Variants in ICA1 observed in about 807,000 individuals in gnomAD.
ICA1 encodes the protein 69 kDa islet cell autoantigen.
A neutral mutation model predicts 71.0 loss-of-function variants in ICA1; 40 were observed. That is an observed-to-expected ratio of 0.56 (90% confidence interval 0.44 to 0.73). ICA1 has a LOEUF of 0.73. Among genes scored for constraint, ICA1 ranks in the 30% least tolerant of loss-of-function variants. The pLI is 0.00. For synonymous variants in ICA1, 207 were observed against 209.5 expected, an observed-to-expected ratio of 0.99 and a Z score of 0.10; for missense variants, 578 against 576.5, an observed-to-expected ratio of 1.00 and a Z score of -0.03.
chr7:8,162,508 G>A (rs960338134), intron 6 of ICA1, among the ~76,000 whole-genome samples: 11 of 152,112 alleles, frequency 7.2e-5, no homozygotes, highest in African/African-American at 2.7e-4. Context: ...AAAACACCAA[G>A]GACATAGCCA....
intron 12 of ICA1, among the ~76,000 whole-genome samples, chr7:8,138,420 T>C (rs1049112274): frequency 6.6e-6 from 1 of 152,190 alleles, no homozygotes; most frequent in African/African-American, 2.4e-5. Context: ...GTTCTGACAA[T>C]AACCCACCAA....
intron 6 of ICA1, among the ~76,000 whole-genome samples, chr7:8,203,805 C>G (rs940607289): frequency 6.6e-6 from 1 of 152,134 alleles, no homozygotes; most frequent in Non-Finnish European, 1.5e-5. Flanking sequence ...GGCTTTAAAC[C>G]TGTGGGGCAA....
intron 2 of ICA1, 117 bp downstream of exon 2, chr7:8,235,793 G>T: frequency 9.3e-7 from 1 of 1,070,436 alleles, no homozygotes; most frequent in South Asian, 1.3e-5. Flanking sequence ...ATTGGTGAGG[G>T]CTAACATGAT....
chr7:8,245,038 G>A (rs1398158001), intron 1 of ICA1, among the ~76,000 whole-genome samples: 1 of 152,146 alleles, frequency 6.6e-6, no homozygotes, highest in Non-Finnish European at 1.5e-5. Flanking sequence ...AATACCATTT[G>A]ACCCAGTGAT....
chr7:8,156,929 TAAAAAAAAAAAAAAAAAAA>T (rs67144473), intron 8 of ICA1, 168 bp downstream of exon 8: 223,504 of 1,519,750 alleles, frequency 0.15, 17,356 homozygotes, highest in Non-Finnish European at 0.16. Flanking sequence ...CCTGATGCAG[TAAAAAAAAAAAAAAAAAAA>T]AAAAAAGAAA....
intron 1 of ICA1, among the ~76,000 whole-genome samples, chr7:8,247,994 G>A (rs905606262): frequency 6.6e-6 from 1 of 152,166 alleles, no homozygotes; most frequent in African/African-American, 2.4e-5. Context: ...AAACTCAAAT[G>A]TAGTTAATTT....
In ICA1 at chr7:8,217,401, C is replaced by T. The variant is rs1200533962; in HGVS notation, c.579+904G>A. ...CCACCTCTACACAGCTAACCTCCAA[C>T]GCAAGTGATGGTTCTATTTGTAGCT... On this transcript the variant is annotated intron_variant, in intron 6 of 13. Coordinates refer to ENST00000402384, the MANE Select transcript of ICA1 (RefSeq NM_001136020.3). Among the ~76,000 whole-genome samples the T allele has an allele frequency of 2.6e-5, 4 of 152,170 alleles. No homozygotes were observed. In the South Asian group the frequency reaches 6.2e-4, roughly 24 times the overall value.
chr7:8,236,034 TAC>T (rs1801747193), intron 1 of ICA1, 29 bp from the exon 2 acceptor site: 1 of 1,138,608 alleles, frequency 8.8e-7, no homozygotes, highest in African/African-American at 1.5e-5. Context: ...GTTTAATAGT[TAC>T]ACACCATATT....
At chr7:8,229,665 T>C (rs1159711679) in intron 3 of ICA1, among the ~76,000 whole-genome samples, 1 of 152,238 alleles carries the variant, frequency 6.6e-6, no homozygotes, top group Non-Finnish European at 1.5e-5. Flanking sequence ...ATTATAAATA[T>C]GACTAAATTA....
At chr7:8,168,690 G>A (rs1319075002) in intron 6 of ICA1, among the ~76,000 whole-genome samples, 1 of 152,118 alleles carries the variant, frequency 6.6e-6, no homozygotes, top group Admixed American at 6.5e-5. Context: ...TTTAGCTCAG[G>A]CTTCTCAACG....
chr7:8,189,559 T>TTTCTTC (rs1158313852), intron 6 of ICA1, among the ~76,000 whole-genome samples: 1 of 152,150 alleles, frequency 6.6e-6, no homozygotes, highest in Non-Finnish European at 1.5e-5. Context: ...AGGCAGGTTT[T>TTTCTTC]TTCTTCTTCT....
At chr7:8,185,955 T>C (rs1783779001) in intron 6 of ICA1, among the ~76,000 whole-genome samples, 1 of 152,252 alleles carries the variant, frequency 6.6e-6, no homozygotes, top group African/African-American at 2.4e-5. Context: ...ACACAGTTTC[T>C]TTCTTCAAGG....
chr7:8,128,079 A>G lies in ICA1; in HGVS notation c.1124T>C (p.Leu375Pro), dbSNP rs1789991600. The G allele has an allele frequency of 1.9e-6, 3 of 1,614,084 alleles. No individual in the cohort carries two copies. The highest frequency in any genetic ancestry group is 3.3e-5 in the Admixed American group (2 of 60,010). ...PEGADKDDLL[L>P]LSEIFNASSL... ...GGAAGCATTGAAGATCTCACTCAAC[A>G]GCAGCAGGTCATCTTTGTCAGCACC... Residue 375 changes from leucine (L) to proline (P), a missense_variant, in exon 13 of 14, where the codon CTG becomes CCG. By Grantham distance (98) the Leu-to-Pro change is moderately conservative (BLOSUM62 -3). Transcript: ENST00000402384.
intron 10 of ICA1, among the ~76,000 whole-genome samples, chr7:8,139,406 A>G (rs894862822): frequency 6.6e-6 from 1 of 152,248 alleles, no homozygotes; most frequent in Non-Finnish European, 1.5e-5. Flanking sequence ...TTACTAAGTG[A>G]AAGAAGTCAA....
intron 12 of ICA1, among the ~76,000 whole-genome samples, chr7:8,133,052 C>G (rs990424694): frequency 1.3e-5 from 2 of 152,170 alleles, no homozygotes; most frequent in Non-Finnish European, 2.9e-5. Flanking sequence ...CATGAGGGCT[C>G]TGCCCTCACA....
At position 8,127,377 on chromosome 7, in the gene ICA1, C is replaced by A. The variant is rs1382522101; in HGVS notation, c.1330+496G>T. On this transcript the variant is annotated intron_variant, in intron 13 of 13. Coordinates refer to ENST00000402384, the MANE Select transcript of ICA1 (RefSeq NM_001136020.3). ...TTTGGCCCTGTGTTTCGGGCAGAACCAGAAGAGTGGATCTAGTGGGGGGTC... is the reference window on the plus strand; with the variant it reads ...TTTGGCCCTGTGTTTCGGGCAGAACAAGAAGAGTGGATCTAGTGGGGGGTC... Among the ~76,000 whole-genome samples the A allele has an allele frequency of 2.0e-5, 3 of 152,026 alleles. No individual in the cohort carries two copies. The East Asian group carries it at 5.8e-4, about 29-fold the overall frequency.
chr7:8,145,699 T>C (rs1369014024), intron 8 of ICA1, among the ~76,000 whole-genome samples: 1 of 148,836 alleles, frequency 6.7e-6, no homozygotes, highest in African/African-American at 2.5e-5. Flanking sequence ...ATGATTTTCA[T>C]ATATTTTCTG....
intron 1 of ICA1, among the ~76,000 whole-genome samples, chr7:8,250,884 A>G (rs1807929003): frequency 6.6e-6 from 1 of 152,156 alleles, no homozygotes; most frequent in South Asian, 2.1e-4. Context: ...CTAAAGTCTT[A>G]GGATATTTTC....
At chr7:8,158,963 G>C (rs1276944115) in intron 6 of ICA1, among the ~76,000 whole-genome samples, 1 of 152,194 alleles carries the variant, frequency 6.6e-6, no homozygotes, top group Admixed American at 6.5e-5. Context: ...AGACAAGCAG[G>C]GTGGTGAGGA....
Sources: gnomAD v4.1 joint callset for allele counts (sites outside exome capture counted in the v4.1 genomes callset) on GRCh38, gnomAD v4.1.1 for gene constraint, MANE v1.5 for transcripts, NCBI Gene and HGNC (gene_info 2026-07-23, HGNC 2026-07-21) for gene names.